PRELID2: variants seen among roughly 807,000 people sequenced by gnomAD.
The protein encoded by PRELID2 is PRELI domain-containing protein 2.
In PRELID2, 25 loss-of-function variants were observed where a neutral mutation model predicts 28.4. That is an observed-to-expected ratio of 0.88 (90% CI 0.64 to 1.23). The LOEUF is 1.23. Ranked by LOEUF, PRELID2 falls within the 50% of genes most tolerant of loss-of-function variation. PRELID2 has a pLI of 0.00. For missense variants in PRELID2, 201 were observed against 214.4 expected, an observed-to-expected ratio of 0.94 and a Z score of 0.39; for synonymous variants, 76 against 71.6, an observed-to-expected ratio of 1.06 and a Z score of -0.31.
the PRELID2 span, among the ~76,000 whole-genome samples, chr5:145,345,704 C>T: frequency 3.3e-5 from 5 of 152,112 alleles, no homozygotes; most frequent in Non-Finnish European, 5.9e-5. Context: ...AACACATTAA[C>T]GTAATCTGAA....
At chr5:145,742,322 A>G (rs1240674338) in intron 1 of PRELID2, among the ~76,000 whole-genome samples, 6 of 71,842 alleles carry the variant, frequency 8.4e-5, no homozygotes, top group South Asian at 1.0e-3. Context: ...AAATAAAAAT[A>G]GATATATTTT....
intron 1 of PRELID2, among the ~76,000 whole-genome samples, chr5:145,603,456 T>C (rs956389145): frequency 2.0e-5 from 3 of 152,156 alleles, no homozygotes; most frequent in Admixed American, 6.5e-5. Context: ...TAAAATGTTC[T>C]ACCAAGTGAA....
the PRELID2 span, among the ~76,000 whole-genome samples, chr5:145,322,700 C>T: frequency 6.6e-6 from 1 of 152,078 alleles, no homozygotes; most frequent in African/African-American, 2.4e-5. Context: ...TGTTCTTTAC[C>T]TCATAAAACT....
chr5:145,378,138 T>G, the PRELID2 span, among the ~76,000 whole-genome samples: 9 of 152,188 alleles, frequency 5.9e-5, no homozygotes, highest in East Asian at 1.3e-3. Context: ...TCTTCCAGGG[T>G]TTCAGCTGAG....
chr5:145,540,887 A>G (rs918813124), intron 1 of PRELID2, among the ~76,000 whole-genome samples: 7 of 152,004 alleles, frequency 4.6e-5, no homozygotes, highest in African/African-American at 1.7e-4. Flanking sequence ...AAGGAATTAT[A>G]TTACATGTGA....
the PRELID2 span, among the ~76,000 whole-genome samples, chr5:145,379,858 G>A: frequency 2.0e-5 from 3 of 152,098 alleles, no homozygotes; most frequent in African/African-American, 4.8e-5. Context: ...ACTCAAGACT[G>A]CCCTTCAAGC....
intron 1 of PRELID2, among the ~76,000 whole-genome samples, chr5:145,741,793 T>G (rs1357423718): frequency 4.4e-5 from 4 of 91,428 alleles, no homozygotes; most frequent in African/African-American, 1.3e-4. Flanking sequence ...TTATAAAGTA[T>G]TTATATATAA....
chr5:145,691,431 C>A (rs540799857), intron 1 of PRELID2, among the ~76,000 whole-genome samples: 1 of 152,082 alleles, frequency 6.6e-6, no homozygotes, highest in Non-Finnish European at 1.5e-5. Context: ...CTCGGCCGGG[C>A]GTGGTGGCTC....
chr5:145,245,823 G>T, the PRELID2 span, among the ~76,000 whole-genome samples: 1 of 152,172 alleles, frequency 6.6e-6, no homozygotes, highest in South Asian at 2.1e-4. Flanking sequence ...TCTCTTCAGC[G>T]TAAAATACAG....
intron 1 of PRELID2, among the ~76,000 whole-genome samples, chr5:145,630,280 G>C (rs1753914637): frequency 6.6e-6 from 1 of 150,536 alleles, no homozygotes; most frequent in Admixed American, 6.6e-5. Flanking sequence ...GGAGCAATGA[G>C]GTGATTCCAT....
intron 1 of PRELID2, among the ~76,000 whole-genome samples, chr5:145,644,329 G>A (rs1450611610): frequency 1.3e-5 from 2 of 152,086 alleles, no homozygotes. Context: ...TCCGATGGTA[G>A]TTTGCATTTC....
At chr5:145,274,827 T>C in the PRELID2 span, among the ~76,000 whole-genome samples, 3 of 152,092 alleles carry the variant, frequency 2.0e-5, no homozygotes, top group Non-Finnish European at 2.9e-5. Flanking sequence ...TTGCTGGAGC[T>C]GACATAACAA....
intron 1 of PRELID2, among the ~76,000 whole-genome samples, chr5:145,727,300 C>T (rs181943057): frequency 1.1e-4 from 17 of 152,234 alleles, no homozygotes; most frequent in Non-Finnish European, 1.8e-4. Flanking sequence ...ATCCAACCCA[C>T]GAGGGGTTTT....
At position 145,572,180 on chromosome 5, in the gene PRELID2, TG is replaced by T. The variant is rs1235198543; in HGVS notation, n.71-98866del. 9.9e-5 allele frequency among the ~76,000 whole-genome samples: 15 copies of T among 152,214 alleles called. No homozygotes were observed. The East Asian group carries it at 2.9e-3, about 29-fold the overall frequency. On this transcript the variant is annotated intron_variant and non_coding_transcript_variant, in intron 1 of 2. Coordinates refer to the PRELID2 transcript ENST00000510259. ...AAACCAATTGCCAATCAGAAAATTT[TG>T]GCTTCTCCAGTGACCTGGACACCCC...
chr5:145,686,163 T>A (rs147657031), intron 1 of PRELID2, among the ~76,000 whole-genome samples: 1 of 152,290 alleles, frequency 6.6e-6, no homozygotes, highest in East Asian at 1.9e-4. Context: ...GTCTGTTACA[T>A]GCCTTCCTGT....
chr5:145,722,159 C>A (rs1488427472), intron 1 of PRELID2, among the ~76,000 whole-genome samples: 1 of 151,940 alleles, frequency 6.6e-6, no homozygotes, highest in East Asian at 1.9e-4. Context: ...ACACATGGAG[C>A]ATTTACAAAA....
At chr5:145,547,965 G>A (rs538362841) in intron 1 of PRELID2, among the ~76,000 whole-genome samples, 15 of 152,212 alleles carry the variant, frequency 9.9e-5, no homozygotes, top group East Asian at 1.9e-4. Context: ...AGGAGGCATC[G>A]TAATCAAGGA....
chr5:145,561,831 G>A (rs1214841786), intron 1 of PRELID2, among the ~76,000 whole-genome samples: 1 of 152,096 alleles, frequency 6.6e-6, no homozygotes, highest in Non-Finnish European at 1.5e-5. Context: ...TTCTGTGAGA[G>A]GCATATAAAA....
chr5:145,352,343 C>G, the PRELID2 span, among the ~76,000 whole-genome samples: 3 of 152,168 alleles, frequency 2.0e-5, no homozygotes, highest in Non-Finnish European at 4.4e-5. Context: ...TACCCTCATG[C>G]CCAACACAAC....
Sources: allele counts gnomAD v4.1 joint callset (sites outside exome capture counted in the v4.1 genomes callset), GRCh38; gene constraint gnomAD v4.1.1; transcripts MANE v1.5; gene names NCBI Gene and HGNC (gene_info 2026-07-23, HGNC 2026-07-21).